Variants in CLVS1 observed in about 807,000 individuals in gnomAD.
CLVS1 encodes the protein clavesin 1.
A neutral mutation model predicts 33.1 loss-of-function variants in CLVS1; 10 were observed. The ratio of observed to expected loss-of-function variants is 0.30; its 90% CI spans 0.19 to 0.51. The LOEUF is 0.51. Among genes scored for constraint, CLVS1 ranks in the 20% least tolerant of loss-of-function variants. CLVS1 has a pLI of 0.97. For missense variants in CLVS1, 343 were observed against 433.4 expected (o/e 0.79, Z 1.85); for synonymous variants, 163 against 166.1 (o/e 0.98, Z 0.14).
chr8:61,307,033 T>G (rs1343855614), intron 2 of CLVS1, among the ~76,000 whole-genome samples: 1 of 152,218 alleles, frequency 6.6e-6, no homozygotes, highest in Non-Finnish European at 1.5e-5. Flanking sequence ...GTTTATTATA[T>G]TCTCAAGATA....
At chr8:61,212,336 A>G (rs1807988112) in intron 2 of CLVS1, among the ~76,000 whole-genome samples, 1 of 152,156 alleles carries the variant, frequency 6.6e-6, no homozygotes, top group African/African-American at 2.4e-5. Flanking sequence ...GGCGGGGGAC[A>G]TTTCAGAGAG....
chr8:61,436,955 C>T (rs1394038069), intron 3 of CLVS1, among the ~76,000 whole-genome samples: 1 of 152,074 alleles, frequency 6.6e-6, no homozygotes, highest in Non-Finnish European at 1.5e-5. Flanking sequence ...GTTTAAATAC[C>T]CTCTTCACAA....
chr8:61,461,539 C>T (rs1299396620), intron 5 of CLVS1, among the ~76,000 whole-genome samples: 2 of 152,106 alleles, frequency 1.3e-5, no homozygotes, highest in South Asian at 2.1e-4. Context: ...TTATAATATG[C>T]GTTTTCCATG....
At chr8:61,014,101 T>C in the CLVS1 span, among the ~76,000 whole-genome samples, 2 of 151,892 alleles carry the variant, frequency 1.3e-5, no homozygotes, top group African/African-American at 4.8e-5. Flanking sequence ...TTTTTTTTTT[T>C]TTTCTTTCTT....
intron 2 of CLVS1, among the ~76,000 whole-genome samples, chr8:61,361,944 C>G (rs1812996092): frequency 6.6e-6 from 1 of 152,082 alleles, no homozygotes; most frequent in South Asian, 2.1e-4. Flanking sequence ...GAATTTGTAG[C>G]CACAGGCAGA....
intron 1 of CLVS1, among the ~76,000 whole-genome samples, chr8:61,094,008 T>C (rs890098284): frequency 1.7e-4 from 26 of 152,364 alleles, no homozygotes; most frequent in African/African-American, 6.0e-4. Context: ...TGGCTTATTC[T>C]CTGCCCCATC....
At chr8:61,266,270 C>A (rs1296464130) in intron 2 of CLVS1, among the ~76,000 whole-genome samples, 1 of 148,490 alleles carries the variant, frequency 6.7e-6, no homozygotes, top group African/African-American at 2.5e-5. Flanking sequence ...CAATGCCAGA[C>A]ACAAACCCTC....
At chr8:61,219,077 T>C (rs1808154225) in intron 2 of CLVS1, among the ~76,000 whole-genome samples, 1 of 152,196 alleles carries the variant, frequency 6.6e-6, no homozygotes, top group African/African-American at 2.4e-5. Flanking sequence ...ATCTCTGAGG[T>C]CACTGAAGGA....
chr8:60,988,259 G>A, the CLVS1 span, among the ~76,000 whole-genome samples: 2 of 152,294 alleles, frequency 1.3e-5, no homozygotes, highest in East Asian at 1.9e-4. Flanking sequence ...CTCCATGCGA[G>A]TGGTTGGGGG....
At chr8:61,130,897 A>G (rs931351532) in intron 1 of CLVS1, among the ~76,000 whole-genome samples, 1 of 152,260 alleles carries the variant, frequency 6.6e-6, no homozygotes, top group Non-Finnish European at 1.5e-5. Context: ...AGATAGTTCT[A>G]AAATTCCAGA....
chr8:61,266,163 C>T (rs947527777), intron 2 of CLVS1, among the ~76,000 whole-genome samples: 6 of 152,130 alleles, frequency 3.9e-5, no homozygotes, highest in African/African-American at 1.4e-4. Flanking sequence ...TCCCTTTACC[C>T]TTTGTGTCCT....
the CLVS1 span, among the ~76,000 whole-genome samples, chr8:61,038,060 G>A: frequency 6.6e-6 from 1 of 152,152 alleles, no homozygotes; most frequent in Non-Finnish European, 1.5e-5. Context: ...AACACACCTG[G>A]ACTGTCCCCC....
intron 2 of CLVS1, among the ~76,000 whole-genome samples, chr8:61,143,525 C>G (rs111604501): frequency 1.8e-4 from 27 of 152,142 alleles, no homozygotes; most frequent in African/African-American, 6.3e-4. Flanking sequence ...GTAGCAAACA[C>G]CTATTCCCAC....
chr8:61,220,110 C>T (rs1268988566), intron 2 of CLVS1, among the ~76,000 whole-genome samples: 2 of 152,116 alleles, frequency 1.3e-5, no homozygotes, highest in South Asian at 2.1e-4. Context: ...CTGTAGGTTG[C>T]CTGCTCACTC....
At chr8:61,228,151 T>A (rs1437591792) in intron 2 of CLVS1, among the ~76,000 whole-genome samples, 2 of 152,204 alleles carry the variant, frequency 1.3e-5, no homozygotes, top group Non-Finnish European at 2.9e-5. Flanking sequence ...TAATTTCTTA[T>A]GATCCATTTT....
intron 2 of CLVS1, among the ~76,000 whole-genome samples, chr8:61,261,621 C>A (rs1049285054): frequency 6.6e-6 from 1 of 152,022 alleles, no homozygotes; most frequent in African/African-American, 2.4e-5. Flanking sequence ...GAGGGTAGAG[C>A]CCTCAGGAAT....
the CLVS1 span, among the ~76,000 whole-genome samples, chr8:60,985,316 G>A: frequency 1.2e-4 from 18 of 152,212 alleles, no homozygotes; most frequent in Non-Finnish European, 2.2e-4. Context: ...GCCAGACCCT[G>A]CTGTCGGGAT....
At chr8:61,299,024 G>A (rs1357598668) in intron 1 of CLVS1, among the ~76,000 whole-genome samples, 2 of 152,098 alleles carry the variant, frequency 1.3e-5, no homozygotes, top group African/African-American at 4.8e-5. Context: ...ATGTCCCTGT[G>A]AGCCTCCTTG....
At chr8:61,062,632 A>G (rs1359119623) in intron 1 of CLVS1, among the ~76,000 whole-genome samples, 2 of 152,192 alleles carry the variant, frequency 1.3e-5, no homozygotes, top group Non-Finnish European at 2.9e-5. Context: ...CTATGGCAGG[A>G]TCTGGCTGGT....
Sources: gnomAD v4.1 joint callset for allele counts (sites outside exome capture counted in the v4.1 genomes callset) on GRCh38, gnomAD v4.1.1 for gene constraint, MANE v1.5 for transcripts, NCBI Gene and HGNC (gene_info 2026-07-23, HGNC 2026-07-21) for gene names.